The following ANKRD45 variants were observed in gnomAD, a reference collection of about 807,000 sequenced individuals.
ANKRD45 encodes ankyrin repeat domain-containing protein 45.
Under a neutral mutation model 28.1 loss-of-function variants are expected in ANKRD45, and 21 were observed. The observed-to-expected ratio is 0.75, with a 90% CI of 0.53 to 1.08. The LOEUF is 1.08. Among genes scored for constraint, ANKRD45 ranks in the 50% least tolerant of loss-of-function variants. ANKRD45 has a pLI of 0.00. For missense variants in ANKRD45, 261 were observed against 308.7 expected (o/e 0.85, Z 1.16); for synonymous variants, 86 against 103.9 (o/e 0.83, Z 1.05).
chr1:173,682,722 C>CACACACAT, the ANKRD45 span, among the ~76,000 whole-genome samples: 9 of 148,800 alleles, frequency 6.0e-5, no homozygotes, highest in East Asian at 1.2e-3. Context: ...CACACACACA[C>CACACACAT]ATCTTGGATG....
upstream of ANKRD45, among the ~76,000 whole-genome samples, chr1:173,671,638 A>AGGCG (rs1670262739): frequency 6.6e-6 from 1 of 151,904 alleles, no homozygotes; most frequent in Non-Finnish European, 1.5e-5. Context: ...TGGGAGGCCA[A>AGGCG]GGCGGGCGGA....
chr1:173,707,229 AT>A, the ANKRD45 span, among the ~76,000 whole-genome samples: 8 of 148,322 alleles, frequency 5.4e-5, no homozygotes, highest in Admixed American at 1.3e-4. Flanking sequence ...CCTAATTGTC[AT>A]TTTTTTTTAC....
chr1:173,636,312 T>C (rs888734682), intron 3 of ANKRD45, among the ~76,000 whole-genome samples: 1 of 152,194 alleles, frequency 6.6e-6, no homozygotes, highest in Non-Finnish European at 1.5e-5. Flanking sequence ...TTAGAACAAC[T>C]TTCTGAGAAA....
At chr1:173,652,738 G>C (rs1669293366) in intron 2 of ANKRD45, among the ~76,000 whole-genome samples, 1 of 152,014 alleles carries the variant, frequency 6.6e-6, no homozygotes, top group South Asian at 2.1e-4. Context: ...GACTTTTTTT[G>C]GTTGGTAGGC....
chr1:173,611,824 A>C (rs1335175727), intron 5 of ANKRD45, among the ~76,000 whole-genome samples: 2 of 152,222 alleles, frequency 1.3e-5, no homozygotes, highest in African/African-American at 4.8e-5. Flanking sequence ...GTTCCAAAAC[A>C]TAATTAAGAA....
At chr1:173,622,553 G>T (rs910880867) in intron 5 of ANKRD45, among the ~76,000 whole-genome samples, 7 of 152,146 alleles carry the variant, frequency 4.6e-5, no homozygotes, top group Non-Finnish European at 7.4e-5. Flanking sequence ...ACAAGTAATG[G>T]AGAAAGGATT....
intron 5 of ANKRD45, among the ~76,000 whole-genome samples, chr1:173,621,219 C>T (rs1032045704): frequency 3.9e-5 from 6 of 152,064 alleles, no homozygotes; most frequent in African/African-American, 1.4e-4. Context: ...CTGAATTCCA[C>T]CAGAGGTATA....
intron 3 of ANKRD45, among the ~76,000 whole-genome samples, chr1:173,627,667 G>T (rs553389358): frequency 2.0e-5 from 3 of 152,144 alleles, no homozygotes; most frequent in African/African-American, 7.2e-5. Flanking sequence ...AGTGCTATGG[G>T]GTCCTAAATA....
In ANKRD45 at chr1:173,609,308, C is replaced by G. The variant is rs992442647; in HGVS notation, c.*837G>C. ...TCAGAACAGGACAAAGAAGAGAAAG[C>G]CATAAGAACGAACAATAAGTGCTTT... On this transcript the variant is annotated 3_prime_UTR_variant, in exon 6 of 6. Transcript: ENST00000333279. Among the ~76,000 whole-genome samples the G allele has an allele frequency of 3.9e-5, 6 of 152,134 alleles. No homozygotes were observed. The highest frequency in any genetic ancestry group is 1.2e-4 in the African/African-American group (5 of 41,432).
chr1:173,630,269 T>C (rs1173668690), intron 3 of ANKRD45, among the ~76,000 whole-genome samples: 2 of 152,284 alleles, frequency 1.3e-5, no homozygotes, highest in East Asian at 1.9e-4. Context: ...CAAAATACTA[T>C]GTATGACACT....
chr1:173,647,868 C>T (rs1571748304), intron 2 of ANKRD45, among the ~76,000 whole-genome samples: 1 of 152,114 alleles, frequency 6.6e-6, no homozygotes. Context: ...ACTGCAGCCT[C>T]GAACTCCTAG....
chr1:173,626,170 T>A lies in ANKRD45; in HGVS notation c.591+895A>T, dbSNP rs76001570. Among the ~76,000 whole-genome samples the A allele has an allele frequency of 5.5e-3, 843 of 152,294 alleles. 5 individuals are homozygous for A. Among genetic ancestry groups the A allele is most frequent in the Middle Eastern group, 0.02 (6 of 294 alleles). ...ACTTATCAAGTGCTAGACTTGGTGATATCTTATACTTTTAGCAATACCTAA... is the reference window on the plus strand; with the variant it reads ...ACTTATCAAGTGCTAGACTTGGTGAAATCTTATACTTTTAGCAATACCTAA... On this transcript the variant is annotated intron_variant, in intron 4 of 5. Transcript: ENST00000333279.
At chr1:173,610,362 G>T in intron 5 of ANKRD45, 147 bp from the exon 6 acceptor site, 1 of 712,388 alleles carries the variant, frequency 1.4e-6, no homozygotes, top group Non-Finnish European at 2.4e-6. Flanking sequence ...TTGTTGGTAT[G>T]TCATTCAAAT....
intron 3 of ANKRD45, among the ~76,000 whole-genome samples, chr1:173,629,774 TC>T (rs1668104940): frequency 6.6e-6 from 1 of 151,704 alleles, no homozygotes. Context: ...AAAAAGAACT[TC>T]CCAAACCTAG....
intron 5 of ANKRD45, among the ~76,000 whole-genome samples, chr1:173,623,290 C>T (rs1185459901): frequency 2.1e-5 from 3 of 146,124 alleles, no homozygotes; most frequent in Non-Finnish European, 4.5e-5. Flanking sequence ...GTCTGAGTGA[C>T]AAGAGTGAGA....
In ANKRD45 at chr1:173,613,581, G is replaced by A. The variant is rs867828304; in HGVS notation, c.731-3366C>T. Reference sequence around the variant, plus strand: ...GGGTCAGCCCCCCCCCCGGCCAGCCGCCCCGTCCGGGAGGGAGGTGGGGGG... The same window carrying A: ...GGGTCAGCCCCCCCCCCGGCCAGCCACCCCGTCCGGGAGGGAGGTGGGGGG... On this transcript the variant is annotated intron_variant, in intron 5 of 5. Transcript: ENST00000333279. Among the ~76,000 whole-genome samples, 54 of 128,488 alleles carry A rather than the reference G, an allele frequency of 4.2e-4. 2 individuals carry two copies. The highest frequency in any genetic ancestry group is 3.8e-3 in the Middle Eastern group (1 of 260). The allele number at this position is 128,488 out of a possible 152,430, so 84.3% of individuals were successfully genotyped here. A position where few individuals can be genotyped will look rare whatever the true frequency, so the allele number is the denominator to read the frequency against.
Position 173,659,384 on chromosome 1 carries a change from G to A in ANKRD45, c.35C>T (p.Ser12Leu), listed in dbSNP as rs753742210. The change falls in exon 2 of 6, where the codon TCA (serine) becomes TTA (leucine). Residue 12 changes from serine to leucine, a missense_variant. By Grantham distance (145) the Ser-to-Leu change is moderately radical (BLOSUM62 -2). Coordinates refer to ENST00000333279, the MANE Select transcript of ANKRD45 (RefSeq NM_198493.3). ...CTCTTCTTGCTGTGAGAAAAATTCT[G>A]AACTCTCTGACTCTGGAGGTCCTTC... ...ESEGPPESES[S>L]EFFSQQEEEN... The A allele has an allele frequency of 2.5e-6, 4 of 1,600,974 alleles. No homozygotes were observed. The highest frequency in any genetic ancestry group is 8.5e-7 in the Non-Finnish European group (1 of 1,175,392).
chr1:173,700,476 A>G, the ANKRD45 span, among the ~76,000 whole-genome samples: 5 of 152,240 alleles, frequency 3.3e-5, no homozygotes, highest in Admixed American at 1.3e-4. Context: ...AAACAGAGAT[A>G]TAGACCAATG....
At chr1:173,652,226 G>A (rs1669261679) in intron 2 of ANKRD45, among the ~76,000 whole-genome samples, 2 of 152,118 alleles carry the variant, frequency 1.3e-5, no homozygotes, top group African/African-American at 4.8e-5. Context: ...GATATTGGCT[G>A]TGGGTTTGTC....
Sources: allele counts gnomAD v4.1 joint callset (sites outside exome capture counted in the v4.1 genomes callset), GRCh38; gene constraint gnomAD v4.1.1; transcripts MANE v1.5; gene names NCBI Gene and HGNC (gene_info 2026-07-23, HGNC 2026-07-21).